ATP10B: variants seen among roughly 807,000 people sequenced by gnomAD.
ATP10B encodes the protein ATPase phospholipid transporting 10B (putative), also known as phospholipid-transporting ATPase VB.
In ATP10B, 122 loss-of-function variants were observed where a neutral mutation model predicts 141.2. The ratio of observed to expected loss-of-function variants is 0.86; its 90% CI spans 0.75 to 1.00. The LOEUF is 1.00. ATP10B is among the 50% of genes least tolerant of loss of function. The pLI, the probability that ATP10B is intolerant of heterozygous loss-of-function variation, is 0.00. For missense variants in ATP10B, 1,876 were observed against 1,825.3 expected, an observed-to-expected ratio of 1.03 and a Z score of -0.51; for synonymous variants, 685 against 692.0, an observed-to-expected ratio of 0.99 and a Z score of 0.16.
At chr5:160,652,944 T>A (rs1760964551) in intron 7 of ATP10B, among the ~76,000 whole-genome samples, 2 of 89,594 alleles carry the variant, frequency 2.2e-5, no homozygotes, top group Non-Finnish European at 3.7e-5. Context: ...TACATGTATA[T>A]ATAATATATT....
intron 25 of ATP10B, among the ~76,000 whole-genome samples, chr5:160,566,103 T>C (rs962542295): frequency 1.3e-5 from 2 of 152,238 alleles, no homozygotes; most frequent in Admixed American, 6.5e-5. Flanking sequence ...ACATTTATTA[T>C]ACACCAGGAC....
the ATP10B span, among the ~76,000 whole-genome samples, chr5:160,876,343 CAA>C: frequency 3.0e-3 from 439 of 146,222 alleles, 2 homozygotes; most frequent in African/African-American, 0.011. Flanking sequence ...CCAACGAGAA[CAA>C]AGACACAACA....
intron 1 of ATP10B, among the ~76,000 whole-genome samples, chr5:160,812,623 T>A (rs1007729033): frequency 6.6e-6 from 1 of 152,282 alleles, no homozygotes; most frequent in South Asian, 2.1e-4. Context: ...GAAGGATTCA[T>A]CAGAGTCTTT....
intron 22 of ATP10B, among the ~76,000 whole-genome samples, chr5:160,595,821 A>C (rs1756650156): frequency 6.6e-6 from 1 of 150,646 alleles, no homozygotes; most frequent in Non-Finnish European, 1.5e-5. Flanking sequence ...CGACACATAC[A>C]CCCTCCCAAT....
intron 22 of ATP10B, among the ~76,000 whole-genome samples, chr5:160,595,712 C>A (rs1302215176): frequency 6.6e-6 from 1 of 152,000 alleles, no homozygotes; most frequent in Non-Finnish European, 1.5e-5. Flanking sequence ...AAGGGGATAT[C>A]ACCACCGATC....
chr5:160,928,127 G>A, the ATP10B span, among the ~76,000 whole-genome samples: 1 of 152,166 alleles, frequency 6.6e-6, no homozygotes, highest in African/African-American at 2.4e-5. Flanking sequence ...ATGCTTTGGA[G>A]GTGAGACTGG....
At chr5:160,582,884 G>T (rs924169055) in intron 24 of ATP10B, among the ~76,000 whole-genome samples, 1 of 151,974 alleles carries the variant, frequency 6.6e-6, no homozygotes, top group Non-Finnish European at 1.5e-5. Context: ...ATTGATACTT[G>T]TGTATGCTTC....
At chr5:160,719,360 G>A (rs1232436224) in intron 2 of ATP10B, among the ~76,000 whole-genome samples, 1 of 152,198 alleles carries the variant, frequency 6.6e-6, no homozygotes, top group Non-Finnish European at 1.5e-5. Flanking sequence ...AGATCGCGCC[G>A]TTGCACTCTG....
intron 7 of ATP10B, 133 bp from the exon 8 acceptor site, chr5:160,649,389 T>A: frequency 1.5e-6 from 1 of 656,000 alleles, no homozygotes; most frequent in Non-Finnish European, 2.6e-6. Context: ...TTGATAGTTG[T>A]AATGTGTCAG....
At chr5:160,599,872 A>G (rs1273844104) in intron 21 of ATP10B, among the ~76,000 whole-genome samples, 1 of 152,204 alleles carries the variant, frequency 6.6e-6, no homozygotes, top group Non-Finnish European at 1.5e-5. Flanking sequence ...AGAACTTCTC[A>G]GTTATGTGGG....
intron 7 of ATP10B, among the ~76,000 whole-genome samples, chr5:160,655,287 A>T (rs909183116): frequency 6.6e-6 from 1 of 151,806 alleles, no homozygotes; most frequent in Non-Finnish European, 1.5e-5. Flanking sequence ...TAAGCATTTA[A>T]ATTTTTTTTT....
chr5:160,829,174 T>A (rs1452533773), intron 1 of ATP10B, among the ~76,000 whole-genome samples: 2 of 151,718 alleles, frequency 1.3e-5, no homozygotes, highest in African/African-American at 2.4e-5. Context: ...AACCTGCACA[T>A]TGTGCACATG....
At chr5:160,788,461 T>C (rs946763475) in intron 1 of ATP10B, among the ~76,000 whole-genome samples, 2 of 152,240 alleles carry the variant, frequency 1.3e-5, no homozygotes, top group African/African-American at 4.8e-5. Flanking sequence ...AATTTGCTGC[T>C]ATCTGGAAAG....
chr5:160,736,621 G>A (rs1206662835), intron 2 of ATP10B, among the ~76,000 whole-genome samples: 3 of 152,086 alleles, frequency 2.0e-5, no homozygotes, highest in Admixed American at 6.6e-5. Context: ...TTAGCCAGGC[G>A]TGGTGGCGTA....
chr5:160,869,909 T>A, the ATP10B span, among the ~76,000 whole-genome samples: 1 of 152,126 alleles, frequency 6.6e-6, no homozygotes, highest in Non-Finnish European at 1.5e-5. Flanking sequence ...CAGTAAATAA[T>A]GAACCCTTCC....
chr5:160,576,536 A>G (rs924554249), intron 24 of ATP10B, among the ~76,000 whole-genome samples: 1 of 152,180 alleles, frequency 6.6e-6, no homozygotes, highest in Non-Finnish European at 1.5e-5. Flanking sequence ...TTATGAAAAC[A>G]ATCACAATCC....
chr5:160,832,206 A>T (rs917785837), intron 1 of ATP10B, among the ~76,000 whole-genome samples: 4 of 152,146 alleles, frequency 2.6e-5, no homozygotes, highest in Non-Finnish European at 4.4e-5. Flanking sequence ...TGGCAATTTT[A>T]CCTTCAGGAA....
At chr5:160,888,461 A>G in the ATP10B span, among the ~76,000 whole-genome samples, 1 of 152,202 alleles carries the variant, frequency 6.6e-6, no homozygotes, top group African/African-American at 2.4e-5. Context: ...GCTTCTCTAA[A>G]TGTTCCTCAT....
At chr5:160,789,739 T>C (rs757651609) in intron 1 of ATP10B, among the ~76,000 whole-genome samples, 27 of 152,142 alleles carry the variant, frequency 1.8e-4, no homozygotes, top group African/African-American at 4.6e-4. Context: ...AGGGAACACA[T>C]TGGCAGAATA....
Sources: gnomAD v4.1 joint callset for allele counts (sites outside exome capture counted in the v4.1 genomes callset) on GRCh38, gnomAD v4.1.1 for gene constraint, MANE v1.5 for transcripts, NCBI Gene and HGNC (gene_info 2026-07-23, HGNC 2026-07-21) for gene names.